The following CASR variants were observed in gnomAD, a reference collection of about 807,000 sequenced individuals.
CASR encodes the protein calcium sensing receptor.
In CASR, 23 loss-of-function variants were observed where a neutral mutation model predicts 69.1. That is an observed-to-expected ratio of 0.33 (90% CI 0.24 to 0.47). The LOEUF is 0.47. Among genes scored for constraint, CASR ranks in the 20% least tolerant of loss-of-function variants. CASR has a pLI of 1.00. For synonymous variants in CASR, 541 were observed against 544.7 expected, an observed-to-expected ratio of 0.99 and a Z score of 0.10; for missense variants, 924 against 1,356.1, an observed-to-expected ratio of 0.68 and a Z score of 5.00.
chr3:122,201,821 G>T (rs1389390722), intron 1 of CASR, among the ~76,000 whole-genome samples: 3 of 152,062 alleles, frequency 2.0e-5, no homozygotes, highest in African/African-American at 7.2e-5. Context: ...TCAGACGATG[G>T]GCGGCCGGGC....
intron 1 of CASR, among the ~76,000 whole-genome samples, chr3:122,219,562 G>A (rs546777856): frequency 6.6e-6 from 1 of 152,318 alleles, no homozygotes; most frequent in African/African-American, 2.4e-5. Flanking sequence ...AGTGAAGGGA[G>A]GAATCTGTTG....
intron 1 of CASR, among the ~76,000 whole-genome samples, chr3:122,201,355 C>T (rs1390952299): frequency 6.6e-6 from 1 of 152,236 alleles, no homozygotes; most frequent in East Asian, 1.9e-4. Context: ...GGCAGAAGAA[C>T]CTTTCCCAGT....
intron 1 of CASR, among the ~76,000 whole-genome samples, chr3:122,240,483 T>C (rs923479710): frequency 2.0e-5 from 3 of 152,122 alleles, no homozygotes; most frequent in Non-Finnish European, 4.4e-5. Context: ...AGAAAGAGGG[T>C]ATAACAATTT....
rs142305357 is a variant in CASR at position 122,284,945 on chromosome 3, C to T, written c.2991C>T (p.Ser997=). The T allele has an allele frequency of 1.2e-5, 19 of 1,614,070 alleles. No homozygotes were observed. The African/African-American group carries it at 2.5e-4, about 22-fold the overall frequency. ...MAHRNSTHQN[S]LEAQKSSDTL... ...ACAGGAATTCTACGCACCAGAACTC[C>T]CTGGAGGCCCAGAAAAGCAGCGATA... is the stretch of plus-strand genomic sequence containing the variant. Residue 997 remains serine (S), a synonymous_variant, in exon 7 of 7, where the codon TCC becomes TCT. Transcript: ENST00000639785.
chr3:122,248,500 TTACAG>T (rs1332352840), intron 1 of CASR, among the ~76,000 whole-genome samples: 2 of 152,188 alleles, frequency 1.3e-5, no homozygotes, highest in Non-Finnish European at 2.9e-5. Context: ...AGAGTAAAGA[TTACAG>T]TACAATAAAC....
chr3:122,265,408 C>T (rs1340886270), intron 4 of CASR, among the ~76,000 whole-genome samples: 3 of 152,130 alleles, frequency 2.0e-5, no homozygotes, highest in Non-Finnish European at 4.4e-5. Context: ...CTTGGAGACC[C>T]CCAAGCCCTC....
At chr3:122,263,004 A>G (rs1377245088) in intron 4 of CASR, among the ~76,000 whole-genome samples, 3 of 152,256 alleles carry the variant, frequency 2.0e-5, no homozygotes, top group Non-Finnish European at 2.9e-5. Flanking sequence ...CATAGAAAAA[A>G]TCAGAACTTA....
At chr3:122,229,071 G>A (rs1034530735) in intron 1 of CASR, among the ~76,000 whole-genome samples, 21 of 152,156 alleles carry the variant, frequency 1.4e-4, no homozygotes, top group African/African-American at 4.6e-4. Flanking sequence ...CCTATGTGCC[G>A]TTAAGTCACT....
chr3:122,281,411 A>G (rs2074885761), intron 5 of CASR, among the ~76,000 whole-genome samples: 5 of 152,242 alleles, frequency 3.3e-5, no homozygotes, highest in Admixed American at 1.3e-4. Flanking sequence ...TAAGACCTCC[A>G]GTGCAAAGTT....
At chr3:122,197,693 A>G (rs752575414) in intron 1 of CASR, among the ~76,000 whole-genome samples, 5 of 152,090 alleles carry the variant, frequency 3.3e-5, no homozygotes, top group Admixed American at 6.6e-5. Context: ...CTGTTGATTC[A>G]TATTGATCTC....
chr3:122,219,208 C>T (rs1440736528), intron 1 of CASR, among the ~76,000 whole-genome samples: 1 of 151,706 alleles, frequency 6.6e-6, no homozygotes, highest in Non-Finnish European at 1.5e-5. Context: ...TATTTCACAC[C>T]AAGAGTAAAA....
chr3:122,246,962 C>T (rs1192371905), intron 1 of CASR: 7 of 152,290 alleles, frequency 4.6e-5, no homozygotes, highest in South Asian at 4.1e-4. Flanking sequence ...TCACCCACCC[C>T]ACCTGAGTCC....
intron 1 of CASR, among the ~76,000 whole-genome samples, chr3:122,199,662 A>G (rs2073923136): frequency 6.6e-6 from 1 of 152,176 alleles, no homozygotes; most frequent in African/African-American, 2.4e-5. Context: ...AAACACATAT[A>G]TTACCAAAAA....
At chr3:122,263,820 G>A (rs1261637208) in intron 4 of CASR, among the ~76,000 whole-genome samples, 1 of 152,148 alleles carries the variant, frequency 6.6e-6, no homozygotes, top group Non-Finnish European at 1.5e-5. Context: ...CTGTAATAAA[G>A]GTCAGGCACT....
chr3:122,201,878 G>A (rs1429192661), intron 1 of CASR, among the ~76,000 whole-genome samples: 83 of 150,856 alleles, frequency 5.5e-4, no homozygotes, highest in Non-Finnish European at 1.1e-3. Context: ...GGGAAGAGGC[G>A]CTCCTCACTT....
chr3:122,210,765 A>G (rs1217424169), intron 1 of CASR, among the ~76,000 whole-genome samples: 1 of 152,196 alleles, frequency 6.6e-6, no homozygotes, highest in Non-Finnish European at 1.5e-5. Context: ...CAAAAAAAAG[A>G]GCCCATATAG....
intron 1 of CASR, among the ~76,000 whole-genome samples, chr3:122,224,388 T>C (rs1275832169): frequency 6.6e-6 from 1 of 152,184 alleles, no homozygotes; most frequent in African/African-American, 2.4e-5. Context: ...AGCATTACTA[T>C]ATACCAATAA....
chr3:122,227,450 C>T (rs112606730), intron 1 of CASR, among the ~76,000 whole-genome samples: 2 of 152,098 alleles, frequency 1.3e-5, no homozygotes, highest in Non-Finnish European at 2.9e-5. Flanking sequence ...CCGGGGCTTG[C>T]GGGCCAGCCA....
intron 1 of CASR, among the ~76,000 whole-genome samples, chr3:122,212,728 G>A (rs1182328131): frequency 6.6e-5 from 10 of 150,686 alleles, no homozygotes; most frequent in African/African-American, 7.3e-5. Context: ...CACAACCTCC[G>A]CTTCCCAAGT....
Sources: allele counts gnomAD v4.1 joint callset (sites outside exome capture counted in the v4.1 genomes callset), GRCh38; gene constraint gnomAD v4.1.1; transcripts MANE v1.5; gene names NCBI Gene and HGNC (gene_info 2026-07-23, HGNC 2026-07-21).